The following ATCAY variants were observed in gnomAD, a reference collection of about 807,000 sequenced individuals.
The protein encoded by ATCAY is caytaxin.
ATCAY carries 22 observed loss-of-function variants against 47.7 expected under a neutral mutation model. The observed-to-expected ratio is 0.46, with a 90% CI of 0.33 to 0.66. ATCAY has a LOEUF of 0.66. Ranked by LOEUF, ATCAY falls within the 30% of genes least tolerant of loss-of-function variation. The pLI is 0.02. For synonymous variants in ATCAY, 216 were observed against 207.6 expected (o/e 1.04, Z -0.35); for missense variants, 452 against 515.0 (o/e 0.88, Z 1.18).
intron 12 of ATCAY, chr19:3,922,209 C>A (rs1308595348): frequency 4.3e-6 from 3 of 701,540 alleles, no homozygotes; most frequent in Non-Finnish European, 7.8e-6. Flanking sequence ...CAAGTTCCAA[C>A]CCTAAGTCAC....
chr19:3,881,823 A>AGAACTTACCCTCGC (rs2038602255), intron 1 of ATCAY, among the ~76,000 whole-genome samples: 1 of 150,336 alleles, frequency 6.7e-6, no homozygotes, highest in Non-Finnish European at 1.5e-5. Flanking sequence ...ACTGCCGAGG[A>AGAACTTACCCTCGC]GAACTTACCC....
intron 11 of ATCAY, 42 bp downstream of exon 11, chr19:3,918,919 G>T: frequency 6.2e-7 from 1 of 1,610,390 alleles, no homozygotes; most frequent in Non-Finnish European, 8.5e-7. Flanking sequence ...TGACAGTCAC[G>T]GGAGGCTGCC....
At chr19:3,913,061 G>A (rs2038936604) in intron 8 of ATCAY, among the ~76,000 whole-genome samples, 1 of 152,126 alleles carries the variant, frequency 6.6e-6, no homozygotes, top group African/African-American at 2.4e-5. Flanking sequence ...TTAGAGGCAG[G>A]CAGATCACAT....
At chr19:3,916,474 A>AT (rs201479808) in intron 9 of ATCAY, among the ~76,000 whole-genome samples, 2,016 of 152,182 alleles carry the variant, frequency 0.013, 41 homozygotes, top group African/African-American at 0.046. Flanking sequence ...AGGAACCACC[A>AT]TACTGTTTTG....
chr19:3,883,185 C>A lies in ATCAY; in HGVS notation c.-42+2177C>A, dbSNP rs147516036. Reference sequence around the variant, plus strand: ...GGTCAGGAGTTCGAGACCAGCCTGGCCAATATAGTGAAACCCCATCTCTAC... The same window carrying A: ...GGTCAGGAGTTCGAGACCAGCCTGGACAATATAGTGAAACCCCATCTCTAC... On this transcript the variant is annotated intron_variant, in intron 1 of 12. Coordinates refer to ENST00000450849, the MANE Select transcript of ATCAY (RefSeq NM_033064.5). Among the ~76,000 whole-genome samples, 86 of 152,166 alleles carry A rather than the reference C, an allele frequency of 5.7e-4. 1 individual carries two copies. In the East Asian group the frequency reaches 8.3e-3, roughly 15 times the overall value.
chr19:3,924,484 C>G, intron 12 of ATCAY, 99 bp from the exon 13 acceptor site: 2 of 1,450,012 alleles, frequency 1.4e-6, no homozygotes, highest in Non-Finnish European at 1.9e-6. Context: ...TTCACCCACG[C>G]TGGGTGGGAT....
chr19:3,921,901 A>AAAAAC (rs1555770323), intron 12 of ATCAY, among the ~76,000 whole-genome samples: 4 of 151,874 alleles, frequency 2.6e-5, no homozygotes, highest in African/African-American at 9.7e-5. Context: ...TGTTTAAAAA[A>AAAAAC]AAAAAAACAA....
At chr19:3,917,126 T>C (rs1384248708) in intron 9 of ATCAY, among the ~76,000 whole-genome samples, 1 of 151,828 alleles carries the variant, frequency 6.6e-6, no homozygotes, top group Admixed American at 6.6e-5. Context: ...ACATTTATAA[T>C]CAAAAATGCA....
At position 3,918,869 on chromosome 19, in the gene ATCAY, G is replaced by A. The variant is rs1599148029; in HGVS notation, c.1065G>A (p.Val355=). The change falls in exon 11 of 13, where the codon GTG becomes GTA. Residue 355 remains valine, a synonymous_variant. Coordinates refer to ENST00000450849, the MANE Select transcript of ATCAY (RefSeq NM_033064.5). ...RSEEKPEVAP[V]ENRSALVSED... is the part of the protein sequence containing the mutation. ...AAGAGAAGCCAGAGGTGGCACCAGTGGAAAACAGGTAGGTGTGCAGGGGAC... is the reference window on the plus strand; with the variant it reads ...AAGAGAAGCCAGAGGTGGCACCAGTAGAAAACAGGTAGGTGTGCAGGGGAC... 1 of 1,614,000 alleles carries A rather than the reference G, an allele frequency of 6.2e-7. No homozygotes were observed. Among genetic ancestry groups the A allele is most frequent in the Non-Finnish European group, 8.5e-7 (1 of 1,179,880 alleles).
chr19:3,890,323 C>T (rs79874466), intron 2 of ATCAY, among the ~76,000 whole-genome samples: 25,320 of 129,342 alleles, frequency 0.2, 2,688 homozygotes, highest in South Asian at 0.35. Context: ...AGTGCAGTGG[C>T]GCGAGTTCGG....
chr19:3,919,163 A>G (rs1216695352), intron 11 of ATCAY, among the ~76,000 whole-genome samples: 1 of 151,932 alleles, frequency 6.6e-6, no homozygotes. Flanking sequence ...CTGTAATCCC[A>G]GCTACTTGGG....
rs1445198322 is a variant in ATCAY, at chr19:3,901,808, A to C, written c.78-679A>C. The stretch of plus-strand genomic sequence containing the variant: ...TCAGGAGTTCCAGACCAGCCTGGCC[A>C]ATATGGTGAAACCCCGTCTCTACTA... On this transcript the variant is annotated intron_variant, in intron 2 of 12. Transcript: ENST00000450849. Among the ~76,000 whole-genome samples the C allele has an allele frequency of 2.6e-5, 4 of 152,140 alleles. No homozygotes were observed. In the East Asian group the frequency reaches 7.7e-4, roughly 29 times the overall value.
chr19:3,892,206 T>A (rs1190719711), intron 2 of ATCAY, among the ~76,000 whole-genome samples: 10 of 131,954 alleles, frequency 7.6e-5, no homozygotes, highest in African/African-American at 2.6e-4. Flanking sequence ...AACTTTTTAA[T>A]TTTTTTTTTT....
chr19:3,898,784 T>A (rs746744560), intron 2 of ATCAY, among the ~76,000 whole-genome samples: 2 of 152,072 alleles, frequency 1.3e-5, no homozygotes, highest in Admixed American at 6.6e-5. Context: ...CAGGTTCAAG[T>A]GATCCTCTTG....
chr19:3,926,744 T>C lies in ATCAY; in HGVS notation c.*2152T>C, dbSNP rs2039070455. On this transcript the variant is annotated 3_prime_UTR_variant, in exon 13 of 13. Transcript: ENST00000450849. ...GCAGGCTTATGCCTGCAGGTTCCTG[T>C]GGAGCCACCGGCTGTGACGGGACAC... 1 of 152,238 alleles carries C rather than the reference T, an allele frequency of 6.6e-6. No individual in the cohort carries two copies. Among genetic ancestry groups the C allele is most frequent in the African/African-American group, 2.4e-5 (1 of 41,452 alleles). 9.4% of individuals were successfully genotyped at this position (152,238 alleles called of 1,614,324 possible).
chr19:3,920,144 G>A (rs1231774407), intron 11 of ATCAY: 2 of 152,162 alleles, frequency 1.3e-5, no homozygotes, highest in African/African-American at 2.4e-5. Flanking sequence ...AGGAGTTCGA[G>A]ACCAACTTGG....
intron 12 of ATCAY, 115 bp from the exon 13 acceptor site, chr19:3,924,468 T>C (rs1273326777): frequency 2.4e-6 from 3 of 1,276,036 alleles, no homozygotes; most frequent in African/African-American, 1.5e-5. Flanking sequence ...CTCTTGCTGC[T>C]GGGAGTTCAC....
chr19:3,908,722 C>CCCCTTCCCTCTCCTCCTCCCCCTCT (rs750077910), intron 6 of ATCAY, among the ~76,000 whole-genome samples: 6 of 53,452 alleles, frequency 1.1e-4, no homozygotes, highest in Non-Finnish European at 1.8e-4. Flanking sequence ...TCTCCTCCTC[C>CCCCTTCCCTCTCCTCCTCCCCCTCT]TCCCCTTCCC....
chr19:3,884,524 A>G (rs1001911988), intron 1 of ATCAY, among the ~76,000 whole-genome samples: 1 of 152,122 alleles, frequency 6.6e-6, no homozygotes, highest in Non-Finnish European at 1.5e-5. Context: ...CGGAAGCTGA[A>G]GTATATCAGC....
Sources: allele counts gnomAD v4.1 joint callset (sites outside exome capture counted in the v4.1 genomes callset), GRCh38; gene constraint gnomAD v4.1.1; transcripts MANE v1.5; gene names NCBI Gene and HGNC (gene_info 2026-07-23, HGNC 2026-07-21).